The following PSMD5 variants were observed in gnomAD, a reference collection of about 807,000 sequenced individuals.
The protein encoded by PSMD5 is proteasome 26S subunit, non-ATPase 5.
Under a neutral mutation model 52.1 loss-of-function variants are expected in PSMD5, and 40 were observed. The observed-to-expected ratio is 0.77, with a 90% CI of 0.60 to 1.00. The LOEUF (loss-of-function observed/expected upper bound fraction) is 1.00. Among genes scored for constraint, PSMD5 ranks in the 50% least tolerant of loss-of-function variants. The pLI is 0.00. For missense variants in PSMD5, 575 were observed against 605.2 expected (o/e 0.95, Z 0.52); for synonymous variants, 211 against 226.6 (o/e 0.93, Z 0.62).
rs538877324 is a variant in PSMD5, at chr9:120,816,655, T to C, written c.*1251A>G. ...CAACTTCACCACGGCCTAAAAGAAA[T>C]ATGCTCATGCATAAACCTCTGAACA... On this transcript the variant is annotated 3_prime_UTR_variant, in exon 10 of 10. Coordinates refer to ENST00000210313, the MANE Select transcript of PSMD5 (RefSeq NM_005047.4). The C allele has an allele frequency of 6.6e-6, 1 of 152,310 alleles. No homozygotes were observed. Among genetic ancestry groups the C allele is most frequent in the Admixed American group, 6.5e-5 (1 of 15,294 alleles). The allele number at this position is 152,310 out of a possible 1,614,324, so 9.4% of individuals were successfully genotyped here. A position where few individuals can be genotyped will look rare whatever the true frequency, so the allele number is the denominator to read the frequency against.
In PSMD5 at chr9:120,818,116, T is replaced by C. The variant is rs764935803; in HGVS notation, c.1305A>G (p.Pro435=). Residue 435 remains proline, a synonymous_variant, in exon 10 of 10, where the codon CCA becomes CCG. Coordinates refer to ENST00000210313, the MANE Select transcript of PSMD5 (RefSeq NM_005047.4). The part of the protein sequence containing the change: ...PWAQKLMFNS[P]GFVEYVVDRS... ...GGTCCACCACATATTCTACAAAACC[T>C]GGACTGTTAAACATAAGTTTCTGAG... 1.2e-6 allele frequency: 2 copies of C among 1,614,170 alleles called. No individual in the cohort carries two copies. The highest frequency in any genetic ancestry group is 3.3e-5 in the Admixed American group (2 of 60,024).
chr9:120,836,132 C>A (rs1416469410), intron 1 of PSMD5, among the ~76,000 whole-genome samples: 2 of 152,218 alleles, frequency 1.3e-5, no homozygotes, highest in African/African-American at 2.4e-5. Flanking sequence ...TTTCATTTAG[C>A]ACAACGTCTT....
intron 5 of PSMD5, 55 bp from the exon 6 acceptor site, chr9:120,826,962 T>C: frequency 6.6e-7 from 1 of 1,513,392 alleles, no homozygotes; most frequent in Non-Finnish European, 9.0e-7. Flanking sequence ...TTGCATAGTT[T>C]ATAAATTGCT....
Position 120,824,599 on chromosome 9 carries a change from A to G in PSMD5, c.901T>C (p.Phe301Leu). The G allele has an allele frequency of 1.9e-6, 3 of 1,614,208 alleles. No individual in the cohort carries two copies. Among genetic ancestry groups the G allele is most frequent in the Non-Finnish European group, 2.5e-6 (3 of 1,180,040 alleles). Residue 301 changes from phenylalanine to leucine, a missense_variant, in exon 7 of 10, where the codon TTT becomes CTT. Phe to Leu is a conservative substitution (Grantham distance 22). Transcript: ENST00000210313. ...GGGTCCTGACTTTCTATCATTTCAA[A>G]GACTTTTTCCACAAAGATAGGATAA... ...ERYPIFVEKVFEMIESQDPTM... is the reference protein window; with the variant it reads ...ERYPIFVEKVLEMIESQDPTM...
Position 120,817,927 on chromosome 9 carries a change from T to C in PSMD5, c.1494A>G (p.Thr498=), listed in dbSNP as rs767487385. 1.9e-6 allele frequency: 3 copies of C among 1,613,126 alleles called. No homozygotes were observed. Among genetic ancestry groups the C allele is most frequent in the Non-Finnish European group, 2.5e-6 (3 of 1,179,204 alleles). The stretch of plus-strand genomic sequence containing the variant: ...GAAATCATTCGGCTCCTTCTACTGC[T>C]GTCGTGGAAACAGGTTTCACATAGT... ...GPYYVKPVST[T]AVEGAE is the part of the protein sequence containing the mutation. Residue 498 remains threonine (T), a synonymous_variant, in exon 10 of 10, where the codon ACA becomes ACG. Transcript: ENST00000210313.
In PSMD5 at chr9:120,820,942, T is replaced by C. The variant is rs1445779878; in HGVS notation, c.1154A>G (p.Glu385Gly). 6.2e-7 allele frequency: 1 copy of C among 1,602,206 alleles called. No individual in the cohort carries two copies. Among genetic ancestry groups the C allele is most frequent in the Non-Finnish European group, 8.5e-7 (1 of 1,177,018 alleles). ...CCGAGATAAAGAAGAAAACCAGGAT[T>C]CTGTCATCCTCAGAAGGTCATCAGT... ...QQTDDLLRMT[E>G]SWFSSLSRDP... is the part of the protein sequence containing the mutation. Residue 385 changes from glutamate (E) to glycine (G), a missense_variant, in exon 9 of 10, where the codon GAA becomes GGA. Transcript: ENST00000210313.
Position 120,817,843 on chromosome 9 carries a change from A to G in PSMD5, c.*63T>C. ...AGTCTCTTTTGTGAAATATAGATGG[A>G]GTCAAATGCCTTAGGAGAAGTTTTG... On this transcript the variant is annotated 3_prime_UTR_variant, in exon 10 of 10. Transcript: ENST00000210313. The G allele has an allele frequency of 1.3e-6, 2 of 1,487,424 alleles. No individual in the cohort carries two copies. The highest frequency in any genetic ancestry group is 1.3e-5 in the South Asian group (1 of 76,828). 92.1% of individuals were successfully genotyped at this position (1,487,424 alleles called of 1,614,324 possible). A position where few individuals can be genotyped will look rare whatever the true frequency, so the allele number is the denominator to read the frequency against.
At chr9:120,826,581 T>C in intron 6 of PSMD5, 184 bp downstream of exon 6, 1 of 671,432 alleles carries the variant, frequency 1.5e-6, no homozygotes, top group Non-Finnish European at 2.4e-6. Flanking sequence ...GATGACCCTT[T>C]TAATGTGCTG....
chr9:120,824,663 G>T lies in PSMD5; in HGVS notation c.837C>A (p.Asn279Lys). The T allele has an allele frequency of 6.3e-7, 1 of 1,596,748 alleles. No homozygotes were observed. The highest frequency in any genetic ancestry group is 8.5e-7 in the Non-Finnish European group (1 of 1,174,372). Reference protein sequence around the residue: ...YLPGFVKFFGNLAVMDSPQQI... With the variant: ...YLPGFVKFFGKLAVMDSPQQI... The stretch of plus-strand genomic sequence containing the variant: ...GTTGAGGACTATCCATGACAGCCAG[G>T]TTTCCAAAAAACTTCACGAATCCTA... Residue 279 changes from asparagine to lysine, a missense_variant, in exon 7 of 10, where the codon AAC becomes AAA. Transcript: ENST00000210313.
chr9:120,819,252 A>G (rs1354383634), intron 9 of PSMD5, among the ~76,000 whole-genome samples: 1 of 152,232 alleles, frequency 6.6e-6, no homozygotes, highest in Non-Finnish European at 1.5e-5. Context: ...GACTTTCAGG[A>G]TCCCAGGCTC....
chr9:120,832,901 A>G (rs538976643), intron 2 of PSMD5, among the ~76,000 whole-genome samples: 5 of 152,258 alleles, frequency 3.3e-5, no homozygotes, highest in Non-Finnish European at 7.3e-5. Flanking sequence ...TGGTTCATCC[A>G]GTGTAAAGAA....
Position 120,842,753 on chromosome 9 carries a change from G to A in PSMD5, c.157C>T (p.Leu53Phe). The A allele has an allele frequency of 6.2e-7, 1 of 1,613,332 alleles. No individual in the cohort carries two copies. The highest frequency in any genetic ancestry group is 8.5e-7 in the Non-Finnish European group (1 of 1,180,016). ...ELRLGPLFSL[L>F]NENHREKTTL... is the part of the protein sequence containing the mutation. Reference sequence around the variant, plus strand: ...TCCTCTCACCTATGGTTCTCGTTAAGCAGGGAGAAGAGCGGGCCGAGGCGC... The same window carrying A: ...TCCTCTCACCTATGGTTCTCGTTAAACAGGGAGAAGAGCGGGCCGAGGCGC... Residue 53 changes from leucine (L) to phenylalanine (F), a missense_variant, in exon 1 of 10, where the codon CTT becomes TTT. Coordinates refer to ENST00000210313, the MANE Select transcript of PSMD5 (RefSeq NM_005047.4).
Position 120,817,655 on chromosome 9 carries a change from G to T in PSMD5, c.*251C>A. 2.3e-6 allele frequency: 1 copy of T among 436,276 alleles called. No homozygotes were observed. Among genetic ancestry groups the T allele is most frequent in the Non-Finnish European group, 4.1e-6 (1 of 245,590 alleles). 27.0% of individuals were successfully genotyped at this position (436,276 alleles called of 1,614,324 possible). A position where few individuals can be genotyped will look rare whatever the true frequency, so the allele number is the denominator to read the frequency against. On this transcript the variant is annotated 3_prime_UTR_variant, in exon 10 of 10. Coordinates refer to ENST00000210313, the MANE Select transcript of PSMD5 (RefSeq NM_005047.4). ...CTTCCACCCTGTTGCAAAGATTAAGGCAGTGAAAGGAATCTGAAAAACACT... is the reference window on the plus strand; with the variant it reads ...CTTCCACCCTGTTGCAAAGATTAAGTCAGTGAAAGGAATCTGAAAAACACT...
At chr9:120,833,540 A>G (rs2045175950) in intron 1 of PSMD5, 84 bp from the exon 2 acceptor site, 3 of 1,403,114 alleles carry the variant, frequency 2.1e-6, no homozygotes, top group Non-Finnish European at 9.7e-7. Flanking sequence ...AGCTTGCGTC[A>G]GCGTCTCCTC....
In PSMD5 at chr9:120,824,449, T is replaced by C. The variant is rs200818857; in HGVS notation, c.1006+45A>G. 7 of 1,584,240 alleles carry C rather than the reference T, an allele frequency of 4.4e-6. No individual in the cohort carries two copies. The African/African-American group carries it at 6.7e-5, about 15-fold the overall frequency. ...CAAATGAACTTACATATTGAACCCC[T>C]GTCAAAGATTAAGATATCCCTGAAC... On this transcript the variant is annotated intron_variant, in intron 7 of 9. Transcript: ENST00000210313.
intron 1 of PSMD5, among the ~76,000 whole-genome samples, chr9:120,836,283 C>T (rs960493738): frequency 2.0e-5 from 3 of 152,048 alleles, no homozygotes; most frequent in Admixed American, 2.0e-4. Flanking sequence ...TGCTTCTGTG[C>T]CTTTTAAAAT....
chr9:120,818,538 C>T (rs1314066395), intron 9 of PSMD5, among the ~76,000 whole-genome samples: 2 of 151,860 alleles, frequency 1.3e-5, no homozygotes, highest in Admixed American at 1.3e-4. Flanking sequence ...ATGATTACAA[C>T]AGTGGAAAAA....
rs1229389578 is a variant in PSMD5, at chr9:120,832,404, T to TC, written c.319-460_319-459insG. On this transcript the variant is annotated intron_variant, in intron 2 of 9. Transcript: ENST00000210313. ...CCCTTTCCCCCAACCTTTTTTTTTT[T>TC]TTTTTTTTTTGAGATGGAGTCTCAC... 8.8e-4 allele frequency among the ~76,000 whole-genome samples: 129 copies of TC among 146,156 alleles called. 1 individual carries two copies. The highest frequency in any genetic ancestry group is 1.6e-3 in the Admixed American group (23 of 14,628).
intron 5 of PSMD5, among the ~76,000 whole-genome samples, chr9:120,827,970 A>G (rs1467521416): frequency 1.3e-5 from 2 of 152,174 alleles, no homozygotes; most frequent in East Asian, 3.8e-4. Context: ...ACTGCTTTCT[A>G]TGGTCAATTA....
Sources: allele counts gnomAD v4.1 joint callset (sites outside exome capture counted in the v4.1 genomes callset), GRCh38; gene constraint gnomAD v4.1.1; transcripts MANE v1.5; gene names NCBI Gene and HGNC (gene_info 2026-07-23, HGNC 2026-07-21).